The following LRBA variants were observed in gnomAD, a reference collection of about 807,000 sequenced individuals.
The protein encoded by LRBA is LPS responsive beige-like anchor protein, also known as lipopolysaccharide-responsive and beige-like anchor protein.
In LRBA, 176 loss-of-function variants were observed where a neutral mutation model predicts 330.0. The observed-to-expected ratio is 0.53, with a 90% confidence interval of 0.47 to 0.60. The LOEUF is 0.60. Ranked by LOEUF, LRBA falls within the 20% of genes least tolerant of loss-of-function variation. The pLI is 0.00. For synonymous variants in LRBA, 1,230 were observed against 1,193.0 expected (o/e 1.03, Z -0.64); for missense variants, 3,259 against 3,444.8 (o/e 0.95, Z 1.35).
At chr4:150,328,263 A>T (rs1334843725) in intron 48 of LRBA, among the ~76,000 whole-genome samples, 1 of 152,202 alleles carries the variant, frequency 6.6e-6, no homozygotes, top group African/African-American at 2.4e-5. Context: ...AGACACATGG[A>T]ATCCAACGTG....
intron 36 of LRBA, among the ~76,000 whole-genome samples, chr4:150,694,335 T>G (rs1408590124): frequency 3.9e-5 from 6 of 152,058 alleles, no homozygotes; most frequent in Non-Finnish European, 5.9e-5. Context: ...ACACTATAAA[T>G]TACTTGTCTC....
chr4:150,959,756 T>A (rs1737928876), intron 2 of LRBA, among the ~76,000 whole-genome samples: 3 of 145,412 alleles, frequency 2.1e-5, no homozygotes, highest in Non-Finnish European at 4.5e-5. Context: ...TGTAACATAG[T>A]GTAAATCTAA....
At chr4:150,906,252 G>C in intron 12 of LRBA, 45 bp downstream of exon 12, 1 of 1,198,602 alleles carries the variant, frequency 8.3e-7, no homozygotes. Context: ...CAAATGTATG[G>C]CCTGTAAATT....
intron 42 of LRBA, among the ~76,000 whole-genome samples, chr4:150,475,000 G>A (rs1269968225): frequency 6.6e-6 from 1 of 152,166 alleles, no homozygotes; most frequent in Non-Finnish European, 1.5e-5. Context: ...AATCATGAAT[G>A]TGTGTTGAAT....
In LRBA at chr4:150,990,875, T is replaced by C. The variant is rs189966533; in HGVS notation, c.216+23552A>G. Among the ~76,000 whole-genome samples the C allele has an allele frequency of 6.8e-4, 104 of 152,008 alleles. No homozygotes were observed. The South Asian group carries it at 7.3e-3, about 11-fold the overall frequency. On this transcript the variant is annotated intron_variant, in intron 2 of 56. Coordinates refer to ENST00000651943, the MANE Select transcript of LRBA (RefSeq NM_001364905.1). ...CTATTACTAAAATACAAAAAGTAGC[T>C]GGGCATGGTGGTGCACACCTGTAAT...
chr4:150,431,949 T>C (rs2072376815), intron 46 of LRBA, among the ~76,000 whole-genome samples: 1 of 152,086 alleles, frequency 6.6e-6, no homozygotes, highest in African/African-American at 2.4e-5. Context: ...TTCTTTAAAA[T>C]AAAAAGAATT....
intron 40 of LRBA, among the ~76,000 whole-genome samples, chr4:150,540,524 A>G (rs1386268963): frequency 1.3e-5 from 2 of 152,294 alleles, no homozygotes; most frequent in East Asian, 3.9e-4. Flanking sequence ...AAAAATGAAG[A>G]TTTTAAGGCA....
chr4:150,643,512 A>C (rs1366931492), intron 37 of LRBA, among the ~76,000 whole-genome samples: 2 of 151,844 alleles, frequency 1.3e-5, no homozygotes, highest in Non-Finnish European at 3.0e-5. Flanking sequence ...AGCTATATTG[A>C]CATTTGGACA....
chr4:150,914,789 C>A (rs991937040), intron 8 of LRBA, among the ~76,000 whole-genome samples: 4 of 152,070 alleles, frequency 2.6e-5, no homozygotes, highest in Non-Finnish European at 5.9e-5. Context: ...TACATATGAG[C>A]CCTTTTTTGT....
At chr4:150,269,342 A>C (rs184199438) in intron 56 of LRBA, among the ~76,000 whole-genome samples, 11 of 152,328 alleles carry the variant, frequency 7.2e-5, no homozygotes, top group Admixed American at 5.2e-4. Context: ...ATAATCCCTC[A>C]CATATGTGCT....
intron 36 of LRBA, among the ~76,000 whole-genome samples, chr4:150,698,285 A>G (rs1472354887): frequency 1.3e-5 from 2 of 152,190 alleles, no homozygotes; most frequent in African/African-American, 2.4e-5. Context: ...GGAAGGCTTT[A>G]CATTAGTACA....
chr4:150,324,113 C>T (rs1046905263), intron 49 of LRBA, among the ~76,000 whole-genome samples: 1 of 152,144 alleles, frequency 6.6e-6, no homozygotes, highest in Admixed American at 6.6e-5. Context: ...GAGCATGAGC[C>T]TTCCCCGCCT....
At chr4:150,387,052 C>T (rs1163502079) in intron 47 of LRBA, among the ~76,000 whole-genome samples, 1 of 151,980 alleles carries the variant, frequency 6.6e-6, no homozygotes, top group African/African-American at 2.4e-5. Context: ...TTTTTGGCCA[C>T]ATGTATGTCT....
chr4:150,741,286 T>A (rs564128403), intron 35 of LRBA, among the ~76,000 whole-genome samples: 2 of 152,226 alleles, frequency 1.3e-5, no homozygotes, highest in South Asian at 2.1e-4. Context: ...AACTGCTATC[T>A]TAAATATATT....
intron 40 of LRBA, among the ~76,000 whole-genome samples, chr4:150,578,786 C>G (rs1023252266): frequency 2.6e-5 from 4 of 152,200 alleles, no homozygotes; most frequent in African/African-American, 7.2e-5. Context: ...CTGAAGGTTA[C>G]GGACTACCTG....
At chr4:150,306,737 G>C (rs1199259564) in intron 52 of LRBA, among the ~76,000 whole-genome samples, 15 of 152,070 alleles carry the variant, frequency 9.9e-5, no homozygotes, top group Admixed American at 9.8e-4. Context: ...AACATACTAG[G>C]AACTTAGTGT....
intron 34 of LRBA, among the ~76,000 whole-genome samples, chr4:150,764,539 C>T (rs922670428): frequency 6.6e-6 from 1 of 151,938 alleles, no homozygotes; most frequent in Non-Finnish European, 1.5e-5. Context: ...TTGTAAAAGA[C>T]ATCTGATAAA....
intron 46 of LRBA, among the ~76,000 whole-genome samples, chr4:150,428,814 C>T (rs1384881466): frequency 6.6e-6 from 1 of 152,080 alleles, no homozygotes; most frequent in Non-Finnish European, 1.5e-5. Context: ...CTTTCAGAAT[C>T]TCTGTTTCTA....
chr4:150,615,713 G>GCTAA (rs202234443), intron 37 of LRBA, among the ~76,000 whole-genome samples: 1 of 152,016 alleles, frequency 6.6e-6, no homozygotes, highest in Non-Finnish European at 1.5e-5. Context: ...GCAGAAAAGG[G>GCTAA]CTAACTATTT....
Sources: allele counts gnomAD v4.1 joint callset (sites outside exome capture counted in the v4.1 genomes callset), GRCh38; gene constraint gnomAD v4.1.1; transcripts MANE v1.5; gene names NCBI Gene and HGNC (gene_info 2026-07-23, HGNC 2026-07-21).